ABHD12: variants seen among roughly 807,000 people sequenced by gnomAD.
ABHD12 encodes the protein abhydrolase domain containing 12, lysophospholipase.
Under a neutral mutation model 58.3 loss-of-function variants are expected in ABHD12, and 43 were observed. The ratio of observed to expected loss-of-function variants is 0.74; its 90% CI spans 0.58 to 0.95. The LOEUF (loss-of-function observed/expected upper bound fraction) is 0.95, where lower values mean the gene tolerates loss of function less well. Ranked by LOEUF, ABHD12 falls within the 40% of genes least tolerant of loss-of-function variation. The pLI, the probability that ABHD12 is intolerant of heterozygous loss-of-function variation, is 0.00. For synonymous variants in ABHD12, 219 were observed against 211.2 expected, an observed-to-expected ratio of 1.04 and a Z score of -0.32; for missense variants, 539 against 537.2, an observed-to-expected ratio of 1.00 and a Z score of -0.03.
chr20:25,347,568 T>C (rs2089536447), intron 1 of ABHD12, among the ~76,000 whole-genome samples: 1 of 152,146 alleles, frequency 6.6e-6, no homozygotes, highest in Admixed American at 6.5e-5. Context: ...TTCACACCTG[T>C]AATCCCAGCA....
At chr20:25,330,078 G>C (rs2089243862) in intron 2 of ABHD12, among the ~76,000 whole-genome samples, 2 of 152,256 alleles carry the variant, frequency 1.3e-5, no homozygotes, top group Admixed American at 6.5e-5. Context: ...GGGAGTGCCA[G>C]ACAGTGGGCG....
intron 1 of ABHD12, among the ~76,000 whole-genome samples, chr20:25,384,810 G>T (rs1229684345): frequency 9.2e-5 from 14 of 152,114 alleles, no homozygotes; most frequent in Non-Finnish European, 2.1e-4. Flanking sequence ...GGACAATCTG[G>T]CCACTCTGGG....
chr20:25,300,034 C>T (rs1399559466), downstream of ABHD12, among the ~76,000 whole-genome samples: 4 of 152,160 alleles, frequency 2.6e-5, no homozygotes, highest in Admixed American at 6.5e-5. Context: ...GAGAAAGGGG[C>T]GAGCAGGTGA....
intron 1 of ABHD12, among the ~76,000 whole-genome samples, chr20:25,366,358 C>A (rs1157532410): frequency 1.3e-5 from 2 of 151,286 alleles, no homozygotes; most frequent in Non-Finnish European, 3.0e-5. Context: ...TTACCGCAAC[C>A]TCCACCTCCC....
chr20:25,297,743 GCT>G (rs1568704737), downstream of ABHD12: 1 of 152,308 alleles, frequency 6.6e-6, no homozygotes, highest in East Asian at 1.9e-4. Flanking sequence ...CTGCGGGGAG[GCT>G]CTTTTTCTCC....
At chr20:25,353,860 C>G (rs2089634115) in intron 1 of ABHD12, among the ~76,000 whole-genome samples, 1 of 152,190 alleles carries the variant, frequency 6.6e-6, no homozygotes, top group South Asian at 2.1e-4. Context: ...CAACGTCAGG[C>G]CGTGGTTTCT....
intron 4 of ABHD12, among the ~76,000 whole-genome samples, chr20:25,317,864 T>C (rs2088991310): frequency 6.6e-6 from 1 of 152,112 alleles, no homozygotes. Flanking sequence ...AGCAGGGACA[T>C]GGGCCACCTG....
intron 5 of ABHD12, among the ~76,000 whole-genome samples, chr20:25,316,325 A>AT (rs912784475): frequency 5.3e-5 from 8 of 151,456 alleles, no homozygotes; most frequent in African/African-American, 7.3e-5. Flanking sequence ...CGCCTGGCTA[A>AT]TTTTTTTTGT....
rs371048160 is a variant in ABHD12, at chr20:25,339,185, C to A, written c.316+42G>T. 52 of 1,612,332 alleles carry A rather than the reference C, an allele frequency of 3.2e-5. No individual in the cohort carries two copies. The East Asian group carries it at 1.1e-3, about 35-fold the overall frequency. On this transcript the variant is annotated intron_variant, in intron 2 of 12. Coordinates refer to ENST00000339157, the MANE Select transcript of ABHD12 (RefSeq NM_001042472.3). ...AATCAGACATCACCATGAAAATGAA[C>A]CCTTACTAAAATTAAAGGAAAAATG...
chr20:25,372,019 A>G (rs2089905361), intron 1 of ABHD12, among the ~76,000 whole-genome samples: 1 of 151,932 alleles, frequency 6.6e-6, no homozygotes, highest in Non-Finnish European at 1.5e-5. Flanking sequence ...TTGTTTTTTT[A>G]GAGAGGGGAT....
intron 1 of ABHD12, among the ~76,000 whole-genome samples, chr20:25,351,687 G>C (rs1280263561): frequency 6.6e-6 from 1 of 152,206 alleles, no homozygotes; most frequent in African/African-American, 2.4e-5. Flanking sequence ...GGCCAGGCGG[G>C]TGGATCACCT....
At chr20:25,377,913 G>C (rs1406482457) in intron 1 of ABHD12, among the ~76,000 whole-genome samples, 3 of 152,106 alleles carry the variant, frequency 2.0e-5, no homozygotes, top group Admixed American at 6.5e-5. Context: ...GGCCAGGATG[G>C]TCTTGATCTC....
chr20:25,295,545 G>T, downstream of ABHD12: 1 of 1,552,106 alleles, frequency 6.4e-7, no homozygotes, highest in South Asian at 1.1e-5. Context: ...CTCTCCCCTC[G>T]GGACAGTGTG....
intron 1 of ABHD12, among the ~76,000 whole-genome samples, chr20:25,342,643 A>G (rs1341790448): frequency 2.6e-5 from 4 of 152,088 alleles, no homozygotes; most frequent in African/African-American, 7.2e-5. Context: ...CTGTCACCCA[A>G]GCTGGAGTGC....
Position 25,300,525 on chromosome 20 carries a change from T to G in ABHD12, c.*320A>C. On this transcript the variant is annotated 3_prime_UTR_variant, in exon 13 of 13. Coordinates refer to ENST00000339157, the MANE Select transcript of ABHD12 (RefSeq NM_001042472.3). ...AAGAGTCCCCTGCCCGGACTCCCCC[T>G]GTCCAGCTCAGTGCAGCATCAAGCA... 8.3e-7 allele frequency: 1 copy of G among 1,203,362 alleles called. No homozygotes were observed. Among genetic ancestry groups the G allele is most frequent in the East Asian group, 3.2e-5 (1 of 31,584 alleles). The allele number at this position is 1,203,362 out of a possible 1,614,324, so 74.5% of individuals were successfully genotyped here.
chr20:25,337,403 C>T (rs530089753), intron 2 of ABHD12, among the ~76,000 whole-genome samples: 15 of 152,242 alleles, frequency 9.9e-5, no homozygotes, highest in Non-Finnish European at 2.1e-4. Context: ...CCCAGCCCTC[C>T]TCTCCCATGC....
chr20:25,348,209 CAA>C (rs1245190310), intron 1 of ABHD12, among the ~76,000 whole-genome samples: 4 of 130,954 alleles, frequency 3.1e-5, no homozygotes, highest in African/African-American at 2.8e-5. Context: ...GACTCTGTCT[CAA>C]AAAAAAAAAG....
In ABHD12 at chr20:25,315,051, C is replaced by T. The variant is rs1213547580; in HGVS notation, c.574-81G>A. On this transcript the variant is annotated intron_variant, in intron 5 of 12. Transcript: ENST00000339157. ...GCAGCTTGCCGCTTACTAAACTCAT[C>T]CAACTTTCTCTCCTCTGCCTTGTAC... 4.3e-6 allele frequency: 6 copies of T among 1,400,652 alleles called. No individual in the cohort carries two copies. The African/African-American group carries it at 7.1e-5, about 17-fold the overall frequency. 86.8% of individuals were successfully genotyped at this position (1,400,652 alleles called of 1,614,324 possible).
rs541871259 is a variant in ABHD12 at position 25,321,013 on chromosome 20, T to C, written c.423-695A>G. 2.6e-5 allele frequency among the ~76,000 whole-genome samples: 4 copies of C among 152,346 alleles called. No individual in the cohort carries two copies. The South Asian group carries it at 8.3e-4, about 32-fold the overall frequency. ...ATTAATCACTTTTCTGTAAAGCTTA[T>C]TCAAATTCATTCTGGATACCAGTGA... On this transcript the variant is annotated intron_variant, in intron 3 of 12. Coordinates refer to ENST00000339157, the MANE Select transcript of ABHD12 (RefSeq NM_001042472.3).
Sources: allele counts gnomAD v4.1 joint callset (sites outside exome capture counted in the v4.1 genomes callset), GRCh38; gene constraint gnomAD v4.1.1; transcripts MANE v1.5; gene names NCBI Gene and HGNC (gene_info 2026-07-23, HGNC 2026-07-21).